PEX7: variants seen among roughly 807,000 people sequenced by gnomAD.
PEX7 encodes PTS2 receptor.
In PEX7, 34 loss-of-function variants were observed where a neutral mutation model predicts 47.5. That is an observed-to-expected ratio of 0.72 (90% confidence interval 0.54 to 0.95). PEX7 has a LOEUF of 0.95. PEX7 is among the 40% of genes least tolerant of loss of function. The pLI, the probability that PEX7 is intolerant of heterozygous loss-of-function variation, is 0.00. For missense variants in PEX7, 394 were observed against 400.3 expected (o/e 0.98, Z 0.13); for synonymous variants, 141 against 148.8 (o/e 0.95, Z 0.38).
intron 8 of PEX7, among the ~76,000 whole-genome samples, chr6:136,897,187 G>A (rs572975147): frequency 1.3e-5 from 2 of 152,136 alleles, no homozygotes; most frequent in East Asian, 3.8e-4. Flanking sequence ...ATACCACCAG[G>A]TTAAACAAAC....
intron 3 of PEX7, among the ~76,000 whole-genome samples, chr6:136,834,444 T>C (rs1173026730): frequency 2.6e-5 from 4 of 152,182 alleles, no homozygotes; most frequent in African/African-American, 7.2e-5. Flanking sequence ...CTGGAACACT[T>C]GGGCTCAAGC....
intron 6 of PEX7, among the ~76,000 whole-genome samples, chr6:136,869,650 T>C (rs1158240282): frequency 1.3e-5 from 2 of 152,240 alleles, no homozygotes; most frequent in Non-Finnish European, 2.9e-5. Flanking sequence ...TCCAGCTGTC[T>C]GTAGTGTTCC....
intron 8 of PEX7, among the ~76,000 whole-genome samples, chr6:136,873,505 C>T (rs1775216352): frequency 6.6e-6 from 1 of 152,078 alleles, no homozygotes; most frequent in Admixed American, 6.5e-5. Context: ...TTGAGAGTAC[C>T]TGTTTCTCTG....
intron 8 of PEX7, among the ~76,000 whole-genome samples, chr6:136,890,069 C>A (rs1003599737): frequency 1.3e-5 from 2 of 152,088 alleles, no homozygotes; most frequent in East Asian, 1.9e-4. Flanking sequence ...AATAATACAC[C>A]CTTTGAGGTC....
intron 3 of PEX7, among the ~76,000 whole-genome samples, chr6:136,839,103 C>T (rs932672806): frequency 3.9e-5 from 6 of 152,018 alleles, no homozygotes; most frequent in African/African-American, 1.2e-4. Context: ...ATCAATTGAG[C>T]CCAGAAGGTG....
At chr6:136,887,280 G>A (rs777739613) in intron 8 of PEX7, among the ~76,000 whole-genome samples, 1 of 151,948 alleles carries the variant, frequency 6.6e-6, no homozygotes. Context: ...TATAATTAAT[G>A]TAATTTAGTT....
intron 5 of PEX7, among the ~76,000 whole-genome samples, 188 bp from the exon 6 acceptor site, chr6:136,866,439 T>C (rs1452534923): frequency 3.3e-5 from 5 of 152,200 alleles, no homozygotes; most frequent in African/African-American, 1.2e-4. Context: ...CGGTGCAACG[T>C]CACTTTTTGT....
intron 5 of PEX7, among the ~76,000 whole-genome samples, chr6:136,859,106 C>T (rs557865802): frequency 3.3e-5 from 5 of 152,142 alleles, no homozygotes; most frequent in Non-Finnish European, 2.9e-5. Flanking sequence ...TATATGAGAA[C>T]GTAGCATTTA....
chr6:136,841,024 G>A (rs1027645884), intron 3 of PEX7, among the ~76,000 whole-genome samples: 1 of 152,162 alleles, frequency 6.6e-6, no homozygotes, highest in Non-Finnish European at 1.5e-5. Context: ...TTTATAGCAT[G>A]TTTGCTGCTG....
chr6:136,865,903 C>T (rs1352095632), intron 5 of PEX7, among the ~76,000 whole-genome samples: 3 of 151,060 alleles, frequency 2.0e-5, no homozygotes, highest in Admixed American at 6.6e-5. Flanking sequence ...GCCAACATGG[C>T]GAAACCCCGT....
At chr6:136,824,310 C>A (rs144568263) in intron 1 of PEX7, among the ~76,000 whole-genome samples, 1 of 152,156 alleles carries the variant, frequency 6.6e-6, no homozygotes, top group Non-Finnish European at 1.5e-5. Flanking sequence ...ATATGATCCT[C>A]CTGTCTCAAC....
chr6:136,877,747 T>C (rs972905401), intron 8 of PEX7, among the ~76,000 whole-genome samples: 1 of 152,210 alleles, frequency 6.6e-6, no homozygotes, highest in Non-Finnish European at 1.5e-5. Context: ...TCAGGTAGTG[T>C]GATGCCTCCA....
chr6:136,862,577 T>G (rs1367554440), intron 5 of PEX7, among the ~76,000 whole-genome samples: 1 of 152,196 alleles, frequency 6.6e-6, no homozygotes, highest in Non-Finnish European at 1.5e-5. Flanking sequence ...AATCTCACTA[T>G]GTTGCTCAGG....
intron 9 of PEX7, among the ~76,000 whole-genome samples, chr6:136,902,482 A>T (rs1390892158): frequency 2.0e-5 from 3 of 152,224 alleles, no homozygotes; most frequent in Non-Finnish European, 2.9e-5. Context: ...TTAAAACTTG[A>T]CAAATAAATG....
At chr6:136,867,777 AAAC>A (rs71816095) in intron 6 of PEX7, among the ~76,000 whole-genome samples, 79,395 of 150,048 alleles carry the variant, frequency 0.53, 21,423 homozygotes, top group South Asian at 0.61. Context: ...CTCCATCTCA[AAAC>A]AACAACAACA....
intron 5 of PEX7, among the ~76,000 whole-genome samples, chr6:136,848,297 A>G (rs1774668088): frequency 1.3e-5 from 2 of 152,178 alleles, no homozygotes; most frequent in East Asian, 1.9e-4. Flanking sequence ...AACAGGGACA[A>G]TTTGACTTCC....
At position 136,823,729 on chromosome 6, in the gene PEX7, G is replaced by C. The variant is rs111256777; in HGVS notation, c.130+934G>C. On this transcript the variant is annotated intron_variant, in intron 1 of 9. Transcript: ENST00000318471. Reference sequence around the variant, plus strand: ...AACATGGAGAAACCCCATCTCTACTGAAAATACAAAATTAGCCGGGCGTGG... The same window carrying C: ...AACATGGAGAAACCCCATCTCTACTCAAAATACAAAATTAGCCGGGCGTGG... Among the ~76,000 whole-genome samples the C allele has an allele frequency of 5.0e-3, 766 of 152,194 alleles. 5 individuals are homozygous for C. The highest frequency in any genetic ancestry group is 0.017 in the African/African-American group (725 of 41,542).
intron 4 of PEX7, 130 bp from the exon 5 acceptor site, chr6:136,845,943 A>T: frequency 1.4e-6 from 1 of 694,716 alleles, no homozygotes. Flanking sequence ...ATCTTTAAAA[A>T]TCCTTGAGAT....
chr6:136,873,261 T>C (rs1351861645), intron 8 of PEX7, among the ~76,000 whole-genome samples: 1 of 152,188 alleles, frequency 6.6e-6, no homozygotes, highest in East Asian at 1.9e-4. Context: ...ATTGTGTGGA[T>C]GTGCTATAGT....
Sources: allele counts gnomAD v4.1 joint callset (sites outside exome capture counted in the v4.1 genomes callset), GRCh38; gene constraint gnomAD v4.1.1; transcripts MANE v1.5; gene names NCBI Gene and HGNC (gene_info 2026-07-23, HGNC 2026-07-21).